LHX8: variants seen among roughly 807,000 people sequenced by gnomAD.
LHX8 encodes the protein LIM homeobox 8, also known as LIM/homeobox protein Lhx8.
LHX8 carries 12 observed loss-of-function variants against 40.3 expected under a neutral mutation model. The ratio of observed to expected loss-of-function variants is 0.30; its 90% CI spans 0.19 to 0.48. The LOEUF is 0.48. Ranked by LOEUF, LHX8 falls within the 20% of genes least tolerant of loss-of-function variation. The probability of loss-of-function intolerance (pLI) is 0.99; values close to 1 mark genes in which losing one functional copy is unlikely to be tolerated. For missense variants in LHX8, 344 were observed against 433.7 expected (o/e 0.79, Z 1.84); for synonymous variants, 179 against 162.0 (o/e 1.10, Z -0.80).
chr1:75,158,792 G>A (rs774712653), intron 8 of LHX8, among the ~76,000 whole-genome samples: 6 of 151,926 alleles, frequency 3.9e-5, no homozygotes, highest in Non-Finnish European at 8.8e-5. Context: ...TTTCTATTTT[G>A]TTGTTATTCA....
At chr1:75,173,671 C>T in the LHX8 span, among the ~76,000 whole-genome samples, 2 of 152,114 alleles carry the variant, frequency 1.3e-5, no homozygotes, top group East Asian at 1.9e-4. Flanking sequence ...CGTGAGCCAC[C>T]GTGCCCAGCC....
Position 75,148,586 on chromosome 1 carries a change from G to A in LHX8, c.685-1G>A. 1.2e-6 allele frequency: 2 copies of A among 1,611,024 alleles called. No homozygotes were observed. The highest frequency in any genetic ancestry group is 1.7e-6 in the Non-Finnish European group (2 of 1,177,372). On this transcript the variant is annotated splice_acceptor_variant, in intron 6 of 8. Coordinates refer to ENST00000356261, the MANE Select transcript of LHX8 (RefSeq NM_001256114.2). LOFTEE classifies it high-confidence loss of function. The stretch of plus-strand genomic sequence containing the variant: ...TACTACATACATGTTTTAAACAACA[G>A]GTTATGCAAGCACAATTTGCTCAGG...
At chr1:75,130,913 G>T, upstream of LHX8, 1 of 686,428 alleles carries the variant, frequency 1.5e-6, no homozygotes. Flanking sequence ...GGGATCGAAG[G>T]AGTCGCCAAC....
chr1:75,178,493 G>T, the LHX8 span, among the ~76,000 whole-genome samples: 574 of 152,166 alleles, frequency 3.8e-3, 3 homozygotes, highest in African/African-American at 0.012. Flanking sequence ...ATGGTAGTTT[G>T]TATTTCTGTG....
At chr1:75,164,972 C>T (rs150314772), downstream of LHX8, among the ~76,000 whole-genome samples, 331 of 152,132 alleles carry the variant, frequency 2.2e-3, no homozygotes, top group African/African-American at 7.5e-3. Context: ...TACGTCCAGC[C>T]GAAAACTAGT....
upstream of LHX8, chr1:75,131,151 T>TTTTTAATGATA: frequency 1.6e-5 from 5 of 311,874 alleles, no homozygotes; most frequent in Admixed American, 4.0e-5. Context: ...ACGTTTTCTC[T>TTTTTAATGATA]CAGGCTCCAG....
chr1:75,143,428 T>C (rs1275304119), intron 5 of LHX8, 90 bp downstream of exon 5: 2 of 869,384 alleles, frequency 2.3e-6, no homozygotes, highest in Non-Finnish European at 3.5e-6. Flanking sequence ...TAATGCATTA[T>C]TTTGTACAAT....
chr1:75,142,205 T>C (rs889836778), intron 4 of LHX8, among the ~76,000 whole-genome samples: 1 of 152,180 alleles, frequency 6.6e-6, no homozygotes, highest in Non-Finnish European at 1.5e-5. Flanking sequence ...TTTAAACTCC[T>C]TGCTTCATGT....
At chr1:75,156,255 T>C (rs947002436) in intron 7 of LHX8, among the ~76,000 whole-genome samples, 3 of 151,980 alleles carry the variant, frequency 2.0e-5, no homozygotes, top group African/African-American at 7.2e-5. Context: ...TTTTGTTTTG[T>C]TTTTGAGACA....
At chr1:75,179,346 C>G in the LHX8 span, among the ~76,000 whole-genome samples, 1 of 152,128 alleles carries the variant, frequency 6.6e-6, no homozygotes, top group African/African-American at 2.4e-5. Flanking sequence ...CTTTATGAAT[C>G]TGGGTGCTCT....
chr1:75,181,373 C>T, the LHX8 span, among the ~76,000 whole-genome samples: 1 of 152,154 alleles, frequency 6.6e-6, no homozygotes, highest in Non-Finnish European at 1.5e-5. Context: ...CCACCCAGTT[C>T]GAGCTTCCTG....
the LHX8 span, among the ~76,000 whole-genome samples, chr1:75,190,644 C>A: frequency 6.6e-6 from 1 of 151,886 alleles, no homozygotes; most frequent in South Asian, 2.1e-4. Flanking sequence ...TCATACCAGA[C>A]CAAAGGAGAA....
the LHX8 span, among the ~76,000 whole-genome samples, chr1:75,183,904 A>G: frequency 1.7e-3 from 253 of 152,330 alleles, 2 homozygotes; most frequent in African/African-American, 5.8e-3. Flanking sequence ...AATTACATCC[A>G]TACATTCAGA....
intron 6 of LHX8, among the ~76,000 whole-genome samples, chr1:75,148,041 A>G (rs867026538): frequency 6.6e-6 from 1 of 152,176 alleles, no homozygotes; most frequent in African/African-American, 2.4e-5. Flanking sequence ...ATTCTTATTC[A>G]GTGGACTGGT....
At chr1:75,189,306 G>T in the LHX8 span, among the ~76,000 whole-genome samples, 2 of 152,118 alleles carry the variant, frequency 1.3e-5, no homozygotes, top group African/African-American at 4.8e-5. Flanking sequence ...TTGTTTTCTT[G>T]TATTTAATCA....
chr1:75,136,714 T>C, intron 2 of LHX8, 25 bp downstream of exon 2: 1 of 1,523,358 alleles, frequency 6.6e-7, no homozygotes, highest in Non-Finnish European at 8.8e-7. Flanking sequence ...GCTCGCGTGC[T>C]GGCAAGACTG....
intron 3 of LHX8, among the ~76,000 whole-genome samples, chr1:75,138,480 G>T (rs1648214494): frequency 6.6e-6 from 1 of 152,128 alleles, no homozygotes; most frequent in Non-Finnish European, 1.5e-5. Context: ...ATCTTACTTG[G>T]TGGTTGATTC....
intron 7 of LHX8, among the ~76,000 whole-genome samples, chr1:75,149,054 G>A (rs541894021): frequency 3.3e-5 from 5 of 152,274 alleles, no homozygotes; most frequent in Non-Finnish European, 2.9e-5. Context: ...CTTTGCTCAT[G>A]TTACTTCATT....
chr1:75,174,928 A>C, the LHX8 span, among the ~76,000 whole-genome samples: 1 of 152,130 alleles, frequency 6.6e-6, no homozygotes, highest in African/African-American at 2.4e-5. Flanking sequence ...AGCAGTGTAC[A>C]CTGTACCCAA....
Sources: allele counts gnomAD v4.1 joint callset (sites outside exome capture counted in the v4.1 genomes callset), GRCh38; gene constraint gnomAD v4.1.1; transcripts MANE v1.5; gene names NCBI Gene and HGNC (gene_info 2026-07-23, HGNC 2026-07-21).